Variants in CBFA2T3 observed in about 807,000 individuals in gnomAD.
CBFA2T3 encodes transcriptional corepressor CBFA2T3.
A neutral mutation model predicts 58.6 loss-of-function variants in CBFA2T3; 31 were observed. The ratio of observed to expected loss-of-function variants is 0.53; its 90% CI spans 0.40 to 0.71. The LOEUF is 0.71. Ranked by LOEUF, CBFA2T3 falls within the 30% of genes least tolerant of loss-of-function variation. The probability of loss-of-function intolerance (pLI) is 0.00; values close to 1 mark genes in which losing one functional copy is unlikely to be tolerated. For synonymous variants in CBFA2T3, 531 were observed against 421.9 expected (o/e 1.26, Z -3.17); for missense variants, 1,076 against 963.1 (o/e 1.12, Z -1.55).
intron 1 of CBFA2T3, among the ~76,000 whole-genome samples, chr16:88,965,122 C>CCATCCAA (rs1323909608): frequency 1.9e-5 from 1 of 51,992 alleles, no homozygotes; most frequent in Non-Finnish European, 4.4e-5. Flanking sequence ...CATCCATCCA[C>CCATCCAA]CCACCCACCC....
chr16:88,910,088 C>G (rs1401095497), intron 1 of CBFA2T3, among the ~76,000 whole-genome samples: 1 of 152,366 alleles, frequency 6.6e-6, no homozygotes, highest in East Asian at 1.9e-4. Context: ...CAGCTGTCCC[C>G]TCTGGCCTAA....
intron 1 of CBFA2T3, among the ~76,000 whole-genome samples, chr16:88,928,528 G>A (rs1971160847): frequency 2.0e-5 from 3 of 152,242 alleles, no homozygotes; most frequent in Admixed American, 6.5e-5. Context: ...CAGCCCAGCC[G>A]CTGTGCAAAC....
chr16:88,902,001 A>G (rs957243314), intron 1 of CBFA2T3, among the ~76,000 whole-genome samples: 2 of 152,042 alleles, frequency 1.3e-5, no homozygotes, highest in African/African-American at 4.8e-5. Flanking sequence ...CCTTGCTCCC[A>G]CCTCCATGAG....
intron 1 of CBFA2T3, among the ~76,000 whole-genome samples, chr16:88,944,718 C>G (rs1179759673): frequency 6.6e-6 from 1 of 152,266 alleles, no homozygotes; most frequent in Non-Finnish European, 1.5e-5. Flanking sequence ...ACACTTGCCA[C>G]AGGCGTCCCT....
chr16:88,942,545 A>G (rs545945476), intron 1 of CBFA2T3, among the ~76,000 whole-genome samples: 1 of 151,416 alleles, frequency 6.6e-6, no homozygotes, highest in Non-Finnish European at 1.5e-5. Context: ...ACTTGGCTCT[A>G]CCCACCTGAG....
intron 9 of CBFA2T3, chr16:88,881,023 C>T (rs1368302988): frequency 1.0e-5 from 7 of 696,966 alleles, no homozygotes; most frequent in Non-Finnish European, 1.8e-5. Context: ...TGTCCTGGGC[C>T]TCTCCTGTGT....
chr16:88,919,301 C>A (rs148065543), intron 1 of CBFA2T3, among the ~76,000 whole-genome samples: 1 of 152,180 alleles, frequency 6.6e-6, no homozygotes, highest in African/African-American at 2.4e-5. Context: ...CCGGACACAG[C>A]GTCAGGTTAT....
In CBFA2T3 at chr16:88,901,491, G is replaced by C; in HGVS notation, c.304+13C>G. On this transcript the variant is annotated intron_variant, in intron 2 of 11. Transcript: ENST00000268679. ...AACACCTGGCCCTCGGCTGCCAGGT[G>C]GGGGCTACTTACGTGTGTGTGGCGT... 1 of 1,429,524 alleles carries C rather than the reference G, an allele frequency of 7.0e-7. No homozygotes were observed. The highest frequency in any genetic ancestry group is 9.3e-7 in the Non-Finnish European group (1 of 1,080,280). The allele number at this position is 1,429,524 out of a possible 1,614,324, so 88.6% of individuals were successfully genotyped here. A position where few individuals can be genotyped will look rare whatever the true frequency, so the allele number is the denominator to read the frequency against.
intron 1 of CBFA2T3, among the ~76,000 whole-genome samples, chr16:88,967,829 G>A (rs1443241283): frequency 1.3e-5 from 2 of 152,182 alleles, no homozygotes; most frequent in South Asian, 2.1e-4. Flanking sequence ...AACTCAGGAC[G>A]CCCCCTGCCC....
At position 88,886,064 on chromosome 16, in the gene CBFA2T3, G is replaced by GGGC; in HGVS notation, c.787_789dup (p.Ala263dup). On this transcript the variant is annotated inframe_insertion, in exon 6 of 12. Transcript: ENST00000268679. ...GCGTCCAGCAGGAGCTGCTCATGCT[G>GGGC]GGCCAAGTACTGGGCGGGCGTCTGC... is the stretch of plus-strand genomic sequence containing the variant. The GGGC allele has an allele frequency of 6.3e-7, 1 of 1,590,626 alleles. No homozygotes were observed. The highest frequency in any genetic ancestry group is 8.5e-7 in the Non-Finnish European group (1 of 1,173,724).
Position 88,941,887 on chromosome 16 carries a change from G to C in CBFA2T3, c.151+34770C>G, listed in dbSNP as rs996161502. ...GGGGGGGTGGGGAGGTGGGGAGTTG[G>C]GGGGGAGGTCGCTCCTTCGGCCGCC... On this transcript the variant is annotated intron_variant, in intron 1 of 11. Coordinates refer to ENST00000268679, the MANE Select transcript of CBFA2T3 (RefSeq NM_005187.6). The C allele has an allele frequency of 1.4e-4, 21 of 148,928 alleles. 1 individual carries two copies. Among genetic ancestry groups the C allele is most frequent in the South Asian group, 2.1e-4 (1 of 4,806 alleles). The allele number at this position is 148,928 out of a possible 1,614,324, so 9.2% of individuals were successfully genotyped here. A position where few individuals can be genotyped will look rare whatever the true frequency, so the allele number is the denominator to read the frequency against.
At chr16:88,971,029 C>T (rs1229702813) in intron 1 of CBFA2T3, among the ~76,000 whole-genome samples, 4 of 151,096 alleles carry the variant, frequency 2.6e-5, no homozygotes, top group Non-Finnish European at 4.4e-5. Flanking sequence ...GTGCCGGAGG[C>T]CGACGCGGTG....
rs377373023 is a variant in CBFA2T3, at chr16:88,940,995, C to T, written c.151+35662G>A. 174 of 967,876 alleles carry T rather than the reference C, an allele frequency of 1.8e-4. 1 individual carries two copies. In the East Asian group the frequency reaches 9.5e-3, roughly 53 times the overall value. The allele number at this position is 967,876 out of a possible 1,614,324, so 60.0% of individuals were successfully genotyped here. A position where few individuals can be genotyped will look rare whatever the true frequency, so the allele number is the denominator to read the frequency against. On this transcript the variant is annotated intron_variant, in intron 1 of 11. Coordinates refer to ENST00000268679, the MANE Select transcript of CBFA2T3 (RefSeq NM_005187.6). ...CGGAGTCGGGGTAGAGCGGCGGCGG[C>T]GCGCGGGGCGGACACGGCACTTACG...
Position 88,876,893 on chromosome 16 carries a change from G to C in CBFA2T3, c.*83C>G, listed in dbSNP as rs1202023532. 8.7e-7 allele frequency: 1 copy of C among 1,145,964 alleles called. No homozygotes were observed. Among genetic ancestry groups the C allele is most frequent in the African/African-American group, 1.6e-5 (1 of 60,800 alleles). The allele number at this position is 1,145,964 out of a possible 1,614,324, so 71.0% of individuals were successfully genotyped here. A position where few individuals can be genotyped will look rare whatever the true frequency, so the allele number is the denominator to read the frequency against. On this transcript the variant is annotated 3_prime_UTR_variant, in exon 12 of 12. Transcript: ENST00000268679. ...GCAGTGTCTGGCAGGCCAGGCATCG[G>C]AGGCCAGGCACAGCATCCGGTGGGC...
rs999498321 is a variant in CBFA2T3 at position 88,892,120 on chromosome 16, GT to G, written c.621+123del. ...GGCCTGAGAGGGTGCAGGTGGCATC[GT>G]GGGAGCGGGTCCACGCCCGGTTGTC... On this transcript the variant is annotated intron_variant, in intron 4 of 11. Transcript: ENST00000268679. 4 of 1,390,990 alleles carry G rather than the reference GT, an allele frequency of 2.9e-6. No individual in the cohort carries two copies. In the African/African-American group the frequency reaches 5.7e-5, roughly 20 times the overall value. The allele number at this position is 1,390,990 out of a possible 1,614,324, so 86.2% of individuals were successfully genotyped here. A position where few individuals can be genotyped will look rare whatever the true frequency, so the allele number is the denominator to read the frequency against.
At chr16:88,900,552 G>T (rs965438975) in intron 2 of CBFA2T3, among the ~76,000 whole-genome samples, 1 of 152,204 alleles carries the variant, frequency 6.6e-6, no homozygotes, top group African/African-American at 2.4e-5. Context: ...GGGCAAGCAG[G>T]ACGGAAGTCT....
intron 2 of CBFA2T3, 94 bp from the exon 3 acceptor site, chr16:88,898,246 C>G: frequency 1.0e-6 from 1 of 966,972 alleles, no homozygotes; most frequent in South Asian, 1.3e-5. Context: ...TCCTACTTCT[C>G]AGAGTGATTT....
chr16:88,877,851 G>A (rs988364476), intron 11 of CBFA2T3, among the ~76,000 whole-genome samples: 8 of 152,246 alleles, frequency 5.3e-5, no homozygotes, highest in African/African-American at 1.7e-4. Flanking sequence ...CACAAAGCCT[G>A]AGCATATTTC....
chr16:88,909,472 T>A (rs12924900), intron 1 of CBFA2T3, among the ~76,000 whole-genome samples: 1 of 84,196 alleles, frequency 1.2e-5, no homozygotes, highest in Non-Finnish European at 2.7e-5. Flanking sequence ...CACCACTACA[T>A]CCCGGGTGAC....
Sources: allele counts gnomAD v4.1 joint callset (sites outside exome capture counted in the v4.1 genomes callset), GRCh38; gene constraint gnomAD v4.1.1; transcripts MANE v1.5; gene names NCBI Gene and HGNC (gene_info 2026-07-23, HGNC 2026-07-21).